GSDMC: variants seen among roughly 807,000 people sequenced by gnomAD.
GSDMC encodes gasdermin C, also known as gasdermin-C.
A neutral mutation model predicts 58.0 loss-of-function variants in GSDMC; 59 were observed. The ratio of observed to expected loss-of-function variants is 1.02; its 90% CI spans 0.82 to 1.26. The LOEUF (loss-of-function observed/expected upper bound fraction) is 1.26. Ranked by LOEUF, GSDMC falls within the 50% of genes most tolerant of loss-of-function variation. The pLI is 0.00. For missense variants in GSDMC, 659 were observed against 598.5 expected, an observed-to-expected ratio of 1.10 and a Z score of -1.06; for synonymous variants, 241 against 220.2, an observed-to-expected ratio of 1.09 and a Z score of -0.83.
intron 1 of GSDMC, among the ~76,000 whole-genome samples, chr8:129,781,255 AC>A (rs1250502900): frequency 6.6e-6 from 1 of 152,188 alleles, no homozygotes; most frequent in Non-Finnish European, 1.5e-5. Context: ...AATTAAAAAA[AC>A]AAGACCCAAT....
chr8:129,729,486 G>C, the GSDMC span, among the ~76,000 whole-genome samples: 4 of 152,046 alleles, frequency 2.6e-5, no homozygotes, highest in African/African-American at 9.6e-5. Flanking sequence ...ACAGGCCCCA[G>C]TGTGTGATGT....
At chr8:129,750,971 G>A (rs1233493961) in intron 10 of GSDMC, among the ~76,000 whole-genome samples, 1 of 152,116 alleles carries the variant, frequency 6.6e-6, no homozygotes, top group Non-Finnish European at 1.5e-5. Context: ...ATGTTATGAG[G>A]ATTAAAAGAG....
At chr8:129,753,435 C>A (rs956026937) in intron 6 of GSDMC, among the ~76,000 whole-genome samples, 1 of 152,148 alleles carries the variant, frequency 6.6e-6, no homozygotes, top group African/African-American at 2.4e-5. Flanking sequence ...AGAACACAGT[C>A]CTGGCAGAAT....
chr8:129,759,368 C>T (rs773012944), intron 6 of GSDMC, among the ~76,000 whole-genome samples: 3 of 151,996 alleles, frequency 2.0e-5, no homozygotes, highest in African/African-American at 4.8e-5. Context: ...CAAATGGGAT[C>T]GCATCAAGTT....
chr8:129,741,195 T>C, the GSDMC span, among the ~76,000 whole-genome samples: 1 of 152,158 alleles, frequency 6.6e-6, no homozygotes, highest in Admixed American at 6.5e-5. Context: ...CCTGTTCCAT[T>C]GGCCAATTTG....
the GSDMC span, among the ~76,000 whole-genome samples, chr8:129,741,093 AAGAGATTGTTCTTTC>A: frequency 6.6e-6 from 1 of 152,078 alleles, no homozygotes. Flanking sequence ...CCATTTATTG[AAGAGATTGTTCTTTC>A]CCCATTACGC....
chr8:129,708,088 G>A, the GSDMC span, among the ~76,000 whole-genome samples: 4 of 152,186 alleles, frequency 2.6e-5, no homozygotes, highest in African/African-American at 9.7e-5. Context: ...CTCTGTTCAA[G>A]TGTGTGCTTC....
At chr8:129,726,342 C>T in the GSDMC span, among the ~76,000 whole-genome samples, 2 of 152,114 alleles carry the variant, frequency 1.3e-5, no homozygotes, top group Non-Finnish European at 2.9e-5. Context: ...CCAGCCCACT[C>T]CATGTTAACC....
intron 6 of GSDMC, among the ~76,000 whole-genome samples, chr8:129,760,000 CAT>C (rs2033595971): frequency 6.6e-6 from 1 of 152,064 alleles, no homozygotes; most frequent in Non-Finnish European, 1.5e-5. Flanking sequence ...AAATATCAAA[CAT>C]ATACAAAATG....
At chr8:129,777,755 T>G (rs574307772) in intron 1 of GSDMC, among the ~76,000 whole-genome samples, 164 bp from the exon 2 acceptor site, 2 of 152,296 alleles carry the variant, frequency 1.3e-5, no homozygotes, top group South Asian at 4.1e-4. Context: ...TTGAGTTCAT[T>G]TTTTTGTTGT....
chr8:129,768,158 G>A (rs1180252534), intron 3 of GSDMC, among the ~76,000 whole-genome samples: 1 of 152,170 alleles, frequency 6.6e-6, no homozygotes, highest in Non-Finnish European at 1.5e-5. Context: ...CAACTAGAGA[G>A]TGTGAGCAGC....
chr8:129,743,234 A>G (rs2032901061), downstream of GSDMC, among the ~76,000 whole-genome samples: 1 of 152,176 alleles, frequency 6.6e-6, no homozygotes, highest in Non-Finnish European at 1.5e-5. Context: ...CTCCAATTAC[A>G]TGTGTTATAT....
chr8:129,724,569 T>C, the GSDMC span, among the ~76,000 whole-genome samples: 1 of 151,620 alleles, frequency 6.6e-6, no homozygotes, highest in Non-Finnish European at 1.5e-5. Flanking sequence ...TCCTGGTATC[T>C]TGTATGCATC....
At chr8:129,747,099 A>G (rs997975275), downstream of GSDMC, among the ~76,000 whole-genome samples, 4 of 151,934 alleles carry the variant, frequency 2.6e-5, no homozygotes, top group South Asian at 2.1e-4. Context: ...AAAAAAAAAA[A>G]TACAAAAATT....
chr8:129,764,274 C>T (rs1393954057), intron 4 of GSDMC, among the ~76,000 whole-genome samples: 1 of 152,106 alleles, frequency 6.6e-6, no homozygotes, highest in Non-Finnish European at 1.5e-5. Context: ...CACTTTGGGG[C>T]AACCAGGCAG....
intron 12 of GSDMC, 46 bp downstream of exon 12, chr8:129,749,944 G>A (rs747307619): frequency 6.6e-7 from 1 of 1,523,502 alleles, no homozygotes; most frequent in East Asian, 2.3e-5. Flanking sequence ...CGGGTCCTGG[G>A]GACCAATCTT....
chr8:129,762,040 C>T (rs1586593091), intron 5 of GSDMC, among the ~76,000 whole-genome samples: 1 of 152,204 alleles, frequency 6.6e-6, no homozygotes, highest in African/African-American at 2.4e-5. Flanking sequence ...GTTCCCAGCA[C>T]TCACTGTCAC....
intron 3 of GSDMC, among the ~76,000 whole-genome samples, chr8:129,769,798 C>T (rs1300797528): frequency 1.3e-5 from 2 of 152,122 alleles, no homozygotes; most frequent in African/African-American, 4.8e-5. Context: ...GAATAAAAAA[C>T]TCAGTTGTCC....
the GSDMC span, among the ~76,000 whole-genome samples, chr8:129,731,144 T>C: frequency 6.6e-6 from 1 of 152,198 alleles, no homozygotes; most frequent in Non-Finnish European, 1.5e-5. Context: ...AACTTTTAAC[T>C]GATAATGGTA....
Sources: gnomAD v4.1 joint callset for allele counts (sites outside exome capture counted in the v4.1 genomes callset) on GRCh38, gnomAD v4.1.1 for gene constraint, MANE v1.5 for transcripts, NCBI Gene and HGNC (gene_info 2026-07-23, HGNC 2026-07-21) for gene names.